The following SERGEF variants were observed in gnomAD, a reference collection of about 807,000 sequenced individuals.
SERGEF encodes secretion regulating guanine nucleotide exchange factor.
A neutral mutation model predicts 50.0 loss-of-function variants in SERGEF; 51 were observed. The ratio of observed to expected loss-of-function variants is 1.02; its 90% CI spans 0.81 to 1.29. The LOEUF is 1.29. Among genes scored for constraint, SERGEF ranks in the 50% most tolerant of loss-of-function variants. The probability of loss-of-function intolerance (pLI) is 0.00; values close to 1 mark genes in which losing one functional copy is unlikely to be tolerated. For missense variants in SERGEF, 521 were observed against 557.0 expected (o/e 0.94, Z 0.65); for synonymous variants, 205 against 212.4 (o/e 0.97, Z 0.30).
chr11:18,000,677 C>A, intron 4 of SERGEF, 120 bp from the exon 5 acceptor site: 1 of 747,998 alleles, frequency 1.3e-6, no homozygotes, highest in Non-Finnish European at 2.4e-6. Context: ...TTTAAAGCAA[C>A]CACTCCCCCC....
In SERGEF at chr11:17,884,664, T is replaced by C. The variant is rs183601005; in HGVS notation, c.1012-6420A>G. On this transcript the variant is annotated intron_variant, in intron 9 of 10. Transcript: ENST00000265965. The surrounding 1 kb of genome is among the most constrained non-coding windows in gnomAD (Gnocchi z 4.6). ...GTTTGCTTCTGGAAGAACCTAGCCT[T>C]ACTAAGATATCTTTAACTCTCTCTG... Among the ~76,000 whole-genome samples the C allele has an allele frequency of 6.6e-6, 1 of 152,232 alleles. No individual in the cohort carries two copies. The highest frequency in any genetic ancestry group is 2.4e-5 in the African/African-American group (1 of 41,536).
chr11:17,812,020 T>C (rs182855880), intron 10 of SERGEF, among the ~76,000 whole-genome samples: 1 of 152,286 alleles, frequency 6.6e-6, no homozygotes, highest in East Asian at 1.9e-4. Flanking sequence ...TTCCAGTGCT[T>C]GCAGAGAAAA....
intron 5 of SERGEF, among the ~76,000 whole-genome samples, chr11:17,999,783 T>A (rs534305247): frequency 2.6e-4 from 39 of 152,306 alleles, no homozygotes; most frequent in Non-Finnish European, 5.3e-4. Context: ...CTGCAAAAAA[T>A]ATGAGCCTTA....
At chr11:17,976,345 G>T (rs1853371660) in intron 8 of SERGEF, among the ~76,000 whole-genome samples, 1 of 152,040 alleles carries the variant, frequency 6.6e-6, no homozygotes, top group Admixed American at 6.6e-5. Context: ...GAGTGCAGTG[G>T]TGTGATCTTG....
intron 9 of SERGEF, among the ~76,000 whole-genome samples, chr11:17,909,219 G>A (rs1851905543): frequency 6.6e-6 from 1 of 152,150 alleles, no homozygotes; most frequent in South Asian, 2.1e-4. Flanking sequence ...TTGGCAAAAT[G>A]GGCATATGAT....
chr11:17,893,488 T>A (rs1363596437), intron 9 of SERGEF, among the ~76,000 whole-genome samples: 5 of 152,210 alleles, frequency 3.3e-5, no homozygotes, highest in Non-Finnish European at 7.3e-5. Context: ...ATCCCCACTC[T>A]TTTCATATCA....
In SERGEF at chr11:17,937,216, G is replaced by A. The variant is rs137880482; in HGVS notation, c.1011+22254C>T. 5.9e-5 allele frequency among the ~76,000 whole-genome samples: 9 copies of A among 152,070 alleles called. No individual in the cohort carries two copies. In the East Asian group the frequency reaches 7.7e-4, roughly 13 times the overall value. The stretch of plus-strand genomic sequence containing the variant: ...AATGTCTCATATTTTTAAAAAATAC[G>A]TGTAGAAAAAAATATTTAAAATGTA... On this transcript the variant is annotated intron_variant, in intron 9 of 10. Coordinates refer to ENST00000265965, the MANE Select transcript of SERGEF (RefSeq NM_012139.4).
chr11:17,934,877 C>T (rs905790172), intron 9 of SERGEF, among the ~76,000 whole-genome samples: 4 of 152,276 alleles, frequency 2.6e-5, no homozygotes, highest in African/African-American at 9.6e-5. Context: ...ATTCAACATT[C>T]CCTTCAAATC....
At position 17,884,470 on chromosome 11, in the gene SERGEF, C is replaced by A. The variant is rs1851393767; in HGVS notation, c.1012-6226G>T. Among the ~76,000 whole-genome samples the A allele has an allele frequency of 6.6e-6, 1 of 152,178 alleles. No homozygotes were observed. On this transcript the variant is annotated intron_variant, in intron 9 of 10. Transcript: ENST00000265965. The surrounding 1 kb of genome is among the most constrained non-coding windows in gnomAD (Gnocchi z 4.6). ...CCAAACCCGGTTTCCATCCGTGTAT[C>A]TCTGGGGTGACAACCAGAATTTCCA...
rs73424066 is a variant in SERGEF, at chr11:17,808,978, G to T, written c.1049-20565C>A. Among the ~76,000 whole-genome samples the T allele has an allele frequency of 5.6e-3, 853 of 152,282 alleles. 7 individuals are homozygous for T. Among genetic ancestry groups the T allele is most frequent in the African/African-American group, 0.016 (663 of 41,560 alleles). ...GACAACTCCCTAATTCAAACTCTAGGTTCCTTGAAAATAGGGGGCTAAACC... is the reference window on the plus strand; with the variant it reads ...GACAACTCCCTAATTCAAACTCTAGTTTCCTTGAAAATAGGGGGCTAAACC... On this transcript the variant is annotated intron_variant, in intron 10 of 10. Coordinates refer to ENST00000265965, the MANE Select transcript of SERGEF (RefSeq NM_012139.4).
intron 9 of SERGEF, among the ~76,000 whole-genome samples, chr11:17,944,703 T>C (rs1489132342): frequency 6.6e-6 from 1 of 152,248 alleles, no homozygotes; most frequent in Non-Finnish European, 1.5e-5. Flanking sequence ...TCAATTCTCT[T>C]CTGAGCACAG....
intron 9 of SERGEF, among the ~76,000 whole-genome samples, chr11:17,935,257 T>C (rs1019559548): frequency 6.6e-5 from 10 of 152,164 alleles, no homozygotes; most frequent in African/African-American, 1.4e-4. Flanking sequence ...GGCAGGAGGA[T>C]TGCTTGAGGC....
chr11:17,820,884 G>A (rs1379016382), intron 10 of SERGEF, among the ~76,000 whole-genome samples: 1 of 152,124 alleles, frequency 6.6e-6, no homozygotes, highest in African/African-American at 2.4e-5. Flanking sequence ...GGAGTGATGT[G>A]GCCACAAGTC....
chr11:17,828,149 C>T (rs974995453), intron 10 of SERGEF, among the ~76,000 whole-genome samples: 9 of 152,186 alleles, frequency 5.9e-5, no homozygotes, highest in African/African-American at 2.2e-4. Context: ...TCCTCACTCT[C>T]AAAACGTGTC....
chr11:17,861,495 G>C (rs1048244710), intron 10 of SERGEF, among the ~76,000 whole-genome samples: 36 of 152,338 alleles, frequency 2.4e-4, no homozygotes, highest in African/African-American at 8.4e-4. Context: ...CAATCCTTCT[G>C]AGATTCCATT....
chr11:17,877,116 A>C (rs1851250390), intron 10 of SERGEF, among the ~76,000 whole-genome samples: 3 of 152,242 alleles, frequency 2.0e-5, no homozygotes, highest in Admixed American at 1.3e-4. Flanking sequence ...AGAGCCACAC[A>C]CTGCTTTAGG....
chr11:17,935,839 C>T (rs1295017467), intron 9 of SERGEF, among the ~76,000 whole-genome samples: 7 of 152,240 alleles, frequency 4.6e-5, no homozygotes, highest in Middle Eastern at 3.4e-3. Flanking sequence ...ATAATAAATA[C>T]AACAAATGAG....
At chr11:17,952,099 C>T (rs1199308948) in intron 9 of SERGEF, among the ~76,000 whole-genome samples, 3 of 152,176 alleles carry the variant, frequency 2.0e-5, no homozygotes, top group African/African-American at 7.2e-5. Flanking sequence ...CCAAACCTTG[C>T]CCTAATTATA....
intron 6 of SERGEF, among the ~76,000 whole-genome samples, 188 bp from the exon 7 acceptor site, chr11:17,993,181 A>G (rs141351146): frequency 9.1e-4 from 139 of 152,332 alleles, no homozygotes; most frequent in African/African-American, 3.1e-3. Flanking sequence ...AGGAGATTGA[A>G]CAATCAAGTA....
Sources: gnomAD v4.1 joint callset for allele counts (sites outside exome capture counted in the v4.1 genomes callset) on GRCh38, gnomAD v4.1.1 for gene constraint, Gnocchi (gnomAD v3.1) non-coding constraint, MANE v1.5 for transcripts, NCBI Gene and HGNC (gene_info 2026-07-23, HGNC 2026-07-21) for gene names.